CREBRF: variants seen among roughly 807,000 people sequenced by gnomAD.
The protein encoded by CREBRF is CREB3 regulatory factor, also known as UPF0474 protein C5orf41.
In CREBRF, 5 loss-of-function variants were observed where a neutral mutation model predicts 66.1. The ratio of observed to expected loss-of-function variants is 0.08; its 90% CI spans 0.04 to 0.16. The LOEUF is 0.16. Among genes scored for constraint, CREBRF ranks in the 10% least tolerant of loss-of-function variants. The pLI, the probability that CREBRF is intolerant of heterozygous loss-of-function variation, is 1.00. For missense variants in CREBRF, 531 were observed against 744.9 expected (o/e 0.71, Z 3.34); for synonymous variants, 229 against 264.4 (o/e 0.87, Z 1.30).
intron 8 of CREBRF, among the ~76,000 whole-genome samples, chr5:173,127,688 A>G (rs1339564368): frequency 3.3e-5 from 5 of 151,666 alleles, no homozygotes; most frequent in African/African-American, 2.4e-5. Flanking sequence ...TCAAACTCCT[A>G]ACCTCGTGAT....
At chr5:173,080,913 A>G in intron 2 of CREBRF, 129 bp downstream of exon 2, 1 of 885,552 alleles carries the variant, frequency 1.1e-6, no homozygotes, top group Non-Finnish European at 1.8e-6. Flanking sequence ...TTCTGATCTC[A>G]GCTAGTTTTG....
At chr5:173,116,303 C>T (rs141842303) in intron 7 of CREBRF, among the ~76,000 whole-genome samples, 18 of 152,272 alleles carry the variant, frequency 1.2e-4, no homozygotes, top group Non-Finnish European at 2.1e-4. Context: ...TTTACATATA[C>T]GCATACATAT....
At chr5:173,065,403 C>A (rs1217754752) in intron 1 of CREBRF, among the ~76,000 whole-genome samples, 1 of 152,112 alleles carries the variant, frequency 6.6e-6, no homozygotes, top group East Asian at 1.9e-4. Flanking sequence ...TCCTCTAATT[C>A]TCTTCAGTCT....
intron 7 of CREBRF, among the ~76,000 whole-genome samples, chr5:173,118,583 C>T (rs1309254131): frequency 6.6e-6 from 1 of 152,038 alleles, no homozygotes; most frequent in Admixed American, 6.6e-5. Context: ...GTTGATCAGG[C>T]ACCATACATT....
chr5:173,085,909 T>TG (rs1758132459), intron 2 of CREBRF: 2 of 949,574 alleles, frequency 2.1e-6, no homozygotes, highest in Admixed American at 1.7e-5. Context: ...AAGGAGTCTT[T>TG]GGGACAGTTA....
At chr5:173,064,214 G>A (rs77795984) in intron 1 of CREBRF, among the ~76,000 whole-genome samples, 1 of 152,018 alleles carries the variant, frequency 6.6e-6, no homozygotes, top group Non-Finnish European at 1.5e-5. Context: ...TTCTATTATA[G>A]GTTAGTCATT....
chr5:173,127,830 C>T (rs1296579764), intron 8 of CREBRF, among the ~76,000 whole-genome samples: 3 of 152,086 alleles, frequency 2.0e-5, no homozygotes, highest in South Asian at 2.1e-4. Context: ...TGATAATTTA[C>T]GTATTCCTGA....
intron 7 of CREBRF, among the ~76,000 whole-genome samples, chr5:173,114,298 T>C (rs891943607): frequency 2.0e-5 from 3 of 152,238 alleles, no homozygotes; most frequent in African/African-American, 7.2e-5. Context: ...CCTTGAGCTC[T>C]GTTAGTGGTG....
chr5:173,073,143 G>A (rs1449381302), intron 1 of CREBRF, among the ~76,000 whole-genome samples: 1 of 152,190 alleles, frequency 6.6e-6, no homozygotes, highest in Non-Finnish European at 1.5e-5. Flanking sequence ...GTAGATTTGC[G>A]AGTCTTTTAG....
intron 4 of CREBRF, among the ~76,000 whole-genome samples, chr5:173,096,452 C>CT (rs1384568893): frequency 1.6e-5 from 1 of 62,536 alleles, no homozygotes; most frequent in African/African-American, 4.9e-5. Context: ...CTCCCCTCTC[C>CT]TCCCCTCTCC....
intron 4 of CREBRF, 38 bp downstream of exon 4, chr5:173,091,439 G>T: frequency 6.4e-7 from 1 of 1,574,504 alleles, no homozygotes; most frequent in Non-Finnish European, 8.6e-7. Context: ...ACTGACCTTT[G>T]TATTACTATT....
chr5:173,136,287 T>C lies in CREBRF; in HGVS notation c.*2542T>C, dbSNP rs942148676. The C allele has an allele frequency of 6.6e-5, 10 of 152,528 alleles. No individual in the cohort carries two copies. Among genetic ancestry groups the C allele is most frequent in the Non-Finnish European group, 1.5e-4 (10 of 67,936 alleles). The allele number at this position is 152,528 out of a possible 1,614,324, so 9.4% of individuals were successfully genotyped here. On this transcript the variant is annotated 3_prime_UTR_variant, in exon 9 of 9. Coordinates refer to ENST00000296953, the MANE Select transcript of CREBRF (RefSeq NM_153607.3). Reference sequence around the variant, plus strand: ...TCCATATCTTTGAGTTTCAGTGTTTTATATGTACTACTTAAGTTAAATAGT... The same window carrying C: ...TCCATATCTTTGAGTTTCAGTGTTTCATATGTACTACTTAAGTTAAATAGT...
At chr5:173,071,282 C>T (rs1375531159) in intron 1 of CREBRF, among the ~76,000 whole-genome samples, 1 of 152,064 alleles carries the variant, frequency 6.6e-6, no homozygotes, top group Non-Finnish European at 1.5e-5. Flanking sequence ...CATGATCTCG[C>T]ATCACTGCAA....
chr5:173,108,477 A>G (rs1272684819), intron 4 of CREBRF, 147 bp from the exon 5 acceptor site: 3 of 657,526 alleles, frequency 4.6e-6, no homozygotes, highest in Non-Finnish European at 7.7e-6. Context: ...GTTCTCTTAT[A>G]GACCTGGTTT....
At chr5:173,069,442 G>A (rs144166796) in intron 1 of CREBRF, among the ~76,000 whole-genome samples, 278 of 151,922 alleles carry the variant, frequency 1.8e-3, no homozygotes, top group African/African-American at 6.5e-3. Context: ...CCCCATCTCA[G>A]CCTCCTGAAT....
Position 173,133,725 on chromosome 5 carries a change from A to T in CREBRF, c.1900A>T (p.Ile634Leu). ...NPTGGLVGLR[I>L]PTSKV ...CACTGGAGGCCTTGTAGGATTAAGGATACCAACATCAAAGGTGTAATCAGC... is the reference window on the plus strand; with the variant it reads ...CACTGGAGGCCTTGTAGGATTAAGGTTACCAACATCAAAGGTGTAATCAGC... Residue 634 changes from isoleucine to leucine, a missense_variant, in exon 9 of 9, where the codon ATA becomes TTA. Ile to Leu is a conservative substitution (Grantham distance 5). This residue lies in a region of CREBRF where 64 missense variants were observed against 111.3 expected (regional missense o/e 0.58). Transcript: ENST00000296953. 6.3e-7 allele frequency: 1 copy of T among 1,599,224 alleles called. No homozygotes were observed. Among genetic ancestry groups the T allele is most frequent in the Non-Finnish European group, 8.6e-7 (1 of 1,167,574 alleles).
chr5:173,110,140 C>T (rs1420327796), intron 5 of CREBRF: 1 of 260,878 alleles, frequency 3.8e-6, no homozygotes, highest in Admixed American at 4.7e-5. Flanking sequence ...TCTCCAAGCT[C>T]TCTTCCGACT....
chr5:173,078,659 C>T (rs1757843699), intron 1 of CREBRF, among the ~76,000 whole-genome samples: 1 of 151,174 alleles, frequency 6.6e-6, no homozygotes, highest in Admixed American at 6.6e-5. Flanking sequence ...CCCGGGTTCA[C>T]ACCATTCTCC....
intron 8 of CREBRF, among the ~76,000 whole-genome samples, chr5:173,124,896 CCTTCTTCTTCTTT>C (rs1759231562): frequency 1.4e-5 from 2 of 147,726 alleles, no homozygotes; most frequent in South Asian, 2.1e-4. Flanking sequence ...CTTCTTTCTT[CCTTCTTCTTCTTT>C]CTTCTTCTTC....
Sources: gnomAD v4.1 joint callset for allele counts (sites outside exome capture counted in the v4.1 genomes callset) on GRCh38, gnomAD v4.1.1 for gene constraint, gnomAD v4.1.1 regional missense constraint, MANE v1.5 for transcripts, NCBI Gene and HGNC (gene_info 2026-07-23, HGNC 2026-07-21) for gene names.